FEZ1: variants seen among roughly 807,000 people sequenced by gnomAD.
FEZ1 encodes the protein fasciculation and elongation protein zeta-1.
In FEZ1, 20 loss-of-function variants were observed where a neutral mutation model predicts 49.3. That is an observed-to-expected ratio of 0.41 (90% CI 0.29 to 0.59). The LOEUF (loss-of-function observed/expected upper bound fraction) is 0.59, where lower values mean the gene tolerates loss of function less well. FEZ1 is among the 20% of genes least tolerant of loss of function. The probability of loss-of-function intolerance (pLI) is 0.36; values close to 1 mark genes in which losing one functional copy is unlikely to be tolerated. For missense variants in FEZ1, 413 were observed against 476.0 expected (o/e 0.87, Z 1.23); for synonymous variants, 170 against 180.9 (o/e 0.94, Z 0.48).
intron 3 of FEZ1, among the ~76,000 whole-genome samples, chr11:125,463,785 C>T (rs1324695363): frequency 2.6e-5 from 4 of 152,204 alleles, no homozygotes; most frequent in South Asian, 4.1e-4. Flanking sequence ...GCATGCAGCA[C>T]TGAATCCAAC....
chr11:125,449,417 T>TAAA (rs35920814), intron 8 of FEZ1, among the ~76,000 whole-genome samples: 6,988 of 27,020 alleles, frequency 0.26, 1,745 homozygotes, highest in South Asian at 0.38. Context: ...TTTGTCTCTA[T>TAAA]AAAAAAAAAA....
At chr11:125,468,384 T>C (rs1957153454) in intron 3 of FEZ1, among the ~76,000 whole-genome samples, 1 of 152,072 alleles carries the variant, frequency 6.6e-6, no homozygotes, top group East Asian at 1.9e-4. Context: ...CAATACTCCC[T>C]CTTTATCTTT....
In FEZ1 at chr11:125,495,970, T is replaced by G. The variant is rs374861874; in HGVS notation, c.-46+151A>C. ...GAAGGCGACGGCCTCCCGTTGTTCC[T>G]TTCTAATCCCAGAATGGGACCAGGT... On this transcript the variant is annotated intron_variant, in intron 1 of 9. Transcript: ENST00000278919. The surrounding 1 kb of genome is among the most constrained non-coding windows in gnomAD (Gnocchi z 4.2). 1.0e-4 allele frequency: 23 copies of G among 226,616 alleles called. No individual in the cohort carries two copies. The East Asian group carries it at 2.3e-3, about 23-fold the overall frequency. The allele number at this position is 226,616 out of a possible 1,614,324, so 14.0% of individuals were successfully genotyped here.
At chr11:125,463,692 T>C in intron 3 of FEZ1, 122 bp from the exon 4 acceptor site, 1 of 682,992 alleles carries the variant, frequency 1.5e-6, no homozygotes, top group Non-Finnish European at 2.6e-6. Context: ...GTCTAAACAG[T>C]GGAGCTGAAG....
intron 3 of FEZ1, among the ~76,000 whole-genome samples, chr11:125,465,024 C>T (rs1957113941): frequency 6.6e-6 from 1 of 151,960 alleles, no homozygotes; most frequent in Admixed American, 6.6e-5. Context: ...AGAAGTTAGC[C>T]CAAAATTAAG....
chr11:125,454,214 T>G lies in FEZ1; in HGVS notation c.940-4A>C. 1 of 1,612,470 alleles carries G rather than the reference T, an allele frequency of 6.2e-7. No homozygotes were observed. Among genetic ancestry groups the G allele is most frequent in the Non-Finnish European group, 8.5e-7 (1 of 1,179,066 alleles). On this transcript the variant is annotated splice_region_variant and splice_polypyrimidine_tract_variant and intron_variant, in intron 6 of 9. Coordinates refer to ENST00000278919, the MANE Select transcript of FEZ1 (RefSeq NM_005103.5). The stretch of plus-strand genomic sequence containing the variant: ...AGATGCCTTCCATGCTGAAGCGCTG[T>G]GGGGGAGAGAGACTCAAGAAGGGCA...
At position 125,489,817 on chromosome 11, in the gene FEZ1, G is replaced by A. The variant is rs1473985975; in HGVS notation, c.-40C>T. The A allele has an allele frequency of 4.6e-6, 7 of 1,514,168 alleles. No homozygotes were observed. Among genetic ancestry groups the A allele is most frequent in the Non-Finnish European group, 5.3e-6 (6 of 1,133,074 alleles). 93.8% of individuals were successfully genotyped at this position (1,514,168 alleles called of 1,614,324 possible). On this transcript the variant is annotated 5_prime_UTR_variant, in exon 2 of 10. Transcript: ENST00000278919. This position sits in a 1 kb window ranked among gnomAD's most constrained non-coding sequence, Gnocchi z 4.2. ...AGAACAACAGCGACTTTCAGGATGA[G>A]TTTATCTAAAAGAAATGAACAGCGT...
chr11:125,456,169 TCC>T, intron 5 of FEZ1, 63 bp from the exon 6 acceptor site: 1 of 1,463,448 alleles, frequency 6.8e-7, no homozygotes, highest in South Asian at 1.3e-5. Flanking sequence ...CTGGGGAGGC[TCC>T]TGGGGCCACC....
chr11:125,469,353 G>A (rs569123832), intron 3 of FEZ1, among the ~76,000 whole-genome samples: 27 of 152,238 alleles, frequency 1.8e-4, no homozygotes, highest in Admixed American at 4.6e-4. Flanking sequence ...CTGCCTCCCC[G>A]GCTCAAGCAA....
At chr11:125,452,080 A>G (rs1956963187) in intron 8 of FEZ1, among the ~76,000 whole-genome samples, 1 of 152,162 alleles carries the variant, frequency 6.6e-6, no homozygotes, top group African/African-American at 2.4e-5. Context: ...CTCTTTCACC[A>G]GCTCATTTTT....
chr11:125,460,610 C>G lies in FEZ1; in HGVS notation c.555G>C (p.Glu185Asp). The G allele has an allele frequency of 6.2e-7, 1 of 1,614,146 alleles. No individual in the cohort carries two copies. Among genetic ancestry groups the G allele is most frequent in the Non-Finnish European group, 8.5e-7 (1 of 1,179,996 alleles). Residue 185 changes from glutamate to aspartate, a missense_variant, in exon 5 of 10, where the codon GAG (glutamate) becomes GAC (aspartate). Coordinates refer to ENST00000278919, the MANE Select transcript of FEZ1 (RefSeq NM_005103.5). ...MQNSPDPEEE[E>D]EVLEEEDGGE... ...CTCCATCCTCTTCTTCCAGAACCTC[C>G]TCTTCTTCCTCAGGGTCTGGGGAGT... is the stretch of plus-strand genomic sequence containing the variant.
chr11:125,454,930 C>G (rs538477521), intron 6 of FEZ1, among the ~76,000 whole-genome samples: 2 of 150,900 alleles, frequency 1.3e-5, no homozygotes, highest in Admixed American at 6.6e-5. Context: ...AGGAGAATCG[C>G]TTGAACCCGG....
chr11:125,456,043 C>T lies in FEZ1; in HGVS notation c.731G>A (p.Arg244His), dbSNP rs748616670. 1.5e-5 allele frequency: 24 copies of T among 1,612,170 alleles called. No homozygotes were observed. The Admixed American group carries it at 2.5e-4, about 17-fold the overall frequency. The change falls in exon 6 of 10, where the codon CGT (arginine) becomes CAT (histidine). Residue 244 changes from arginine (R) to histidine (H), a missense_variant. Physicochemically the swap from Arg to His is conservative, Grantham distance 29. Coordinates refer to ENST00000278919, the MANE Select transcript of FEZ1 (RefSeq NM_005103.5). The stretch of plus-strand genomic sequence containing the variant: ...CTGCACCAGCTCCTCCGAGAAGTCA[C>T]GGATGGCACCCTCCACCTGGTCCAG... Reference protein sequence around the residue: ...ELLDQVEGAIRDFSEELVQQL... With the variant: ...ELLDQVEGAIHDFSEELVQQL...
intron 4 of FEZ1, among the ~76,000 whole-genome samples, chr11:125,461,820 G>T (rs1482396817): frequency 6.6e-6 from 1 of 152,072 alleles, no homozygotes; most frequent in Admixed American, 6.5e-5. Flanking sequence ...GGGGTTTCAG[G>T]GTCTCCTCCT....
intron 2 of FEZ1, among the ~76,000 whole-genome samples, chr11:125,487,307 A>G (rs1409621690): frequency 6.6e-6 from 1 of 152,222 alleles, no homozygotes; most frequent in Admixed American, 6.5e-5. Context: ...TAGGTTCTTT[A>G]CAAGTCCTTA....
At chr11:125,478,174 G>A (rs907118975) in intron 3 of FEZ1, among the ~76,000 whole-genome samples, 5 of 152,134 alleles carry the variant, frequency 3.3e-5, no homozygotes, top group South Asian at 2.1e-4. Context: ...CAGGTGTGGC[G>A]GCTCACACCT....
rs1956872746 is a variant in FEZ1, at chr11:125,443,689, G to A, written c.*2406C>T. On this transcript the variant is annotated 3_prime_UTR_variant, in exon 10 of 10. Coordinates refer to ENST00000278919, the MANE Select transcript of FEZ1 (RefSeq NM_005103.5). ...GCACACTTTGAATAGGAAGAACACA[G>A]GGAAGGGCAATGCAAAACCATGAGG... Among the ~76,000 whole-genome samples the A allele has an allele frequency of 6.6e-6, 1 of 152,136 alleles. No individual in the cohort carries two copies. The highest frequency in any genetic ancestry group is 2.4e-5 in the African/African-American group (1 of 41,424).
intron 3 of FEZ1, chr11:125,469,150 T>G (rs915435521): frequency 2.0e-5 from 3 of 152,294 alleles, no homozygotes; most frequent in Non-Finnish European, 4.4e-5. Flanking sequence ...CTATGGATGC[T>G]ATAAGTCTAC....
intron 3 of FEZ1, among the ~76,000 whole-genome samples, chr11:125,474,659 G>A (rs1957213443): frequency 6.6e-6 from 1 of 152,094 alleles, no homozygotes; most frequent in South Asian, 2.1e-4. Flanking sequence ...GGAGGCCAAG[G>A]CAGGCGGATC....
Sources: gnomAD v4.1 joint callset for allele counts (sites outside exome capture counted in the v4.1 genomes callset) on GRCh38, gnomAD v4.1.1 for gene constraint, Gnocchi (gnomAD v3.1) non-coding constraint, MANE v1.5 for transcripts, NCBI Gene and HGNC (gene_info 2026-07-23, HGNC 2026-07-21) for gene names.